The following NBEA variants were observed in gnomAD, a reference collection of about 807,000 sequenced individuals.
NBEA encodes the protein lysosomal-trafficking regulator 2.
A neutral mutation model predicts 343.4 loss-of-function variants in NBEA; 44 were observed. The ratio of observed to expected loss-of-function variants is 0.13; its 90% CI spans 0.10 to 0.16. The LOEUF is 0.16. Among genes scored for constraint, NBEA ranks in the 10% least tolerant of loss-of-function variants. The pLI is 1.00. For synonymous variants in NBEA, 1,175 were observed against 1,238.7 expected (o/e 0.95, Z 1.08); for missense variants, 2,555 against 3,631.3 (o/e 0.70, Z 7.62).
intron 10 of NBEA, among the ~76,000 whole-genome samples, chr13:35,090,272 C>T (rs1025789859): frequency 9.2e-5 from 14 of 151,566 alleles, no homozygotes; most frequent in African/African-American, 3.2e-4. Flanking sequence ...TTGTAGGAGG[C>T]GGGGAGAGGG....
At chr13:35,572,139 C>A (rs7140051) in intron 45 of NBEA, among the ~76,000 whole-genome samples, 143,272 of 151,978 alleles carry the variant, frequency 0.94, 68,137 homozygotes, top group East Asian at 1. Context: ...TTAGAGATTT[C>A]CTCCCCACCC....
At chr13:35,422,275 C>T (rs1459169897) in intron 38 of NBEA, among the ~76,000 whole-genome samples, 2 of 150,814 alleles carry the variant, frequency 1.3e-5, no homozygotes, top group Non-Finnish European at 3.0e-5. Context: ...ATCAGGTATA[C>T]CTCCTAATGC....
chr13:35,039,614 T>C (rs995852265), intron 1 of NBEA, among the ~76,000 whole-genome samples: 1 of 152,210 alleles, frequency 6.6e-6, no homozygotes, highest in Non-Finnish European at 1.5e-5. Context: ...AAAATGAAGA[T>C]AATAATAGTG....
intron 1 of NBEA, among the ~76,000 whole-genome samples, chr13:34,946,793 T>A (rs1008711212): frequency 1.3e-5 from 2 of 151,470 alleles, no homozygotes; most frequent in African/African-American, 4.8e-5. Context: ...TTACCAAATT[T>A]CTCTCATCTT....
chr13:35,089,284 A>G (rs1204580086), intron 10 of NBEA, among the ~76,000 whole-genome samples: 1 of 146,890 alleles, frequency 6.8e-6, no homozygotes, highest in Non-Finnish European at 1.5e-5. Flanking sequence ...GAAGACATTT[A>G]TGCAGCCAAA....
chr13:35,357,291 CT>C (rs1046855555), intron 38 of NBEA, among the ~76,000 whole-genome samples: 3 of 150,862 alleles, frequency 2.0e-5, no homozygotes, highest in Non-Finnish European at 4.4e-5. Context: ...TTTTGTTTTT[CT>C]TTTTTGTTGT....
intron 35 of NBEA, among the ~76,000 whole-genome samples, chr13:35,302,549 A>T (rs546515422): frequency 6.6e-6 from 1 of 152,310 alleles, no homozygotes; most frequent in African/African-American, 2.4e-5. Flanking sequence ...GGCCTGCATA[A>T]ACTGTTCTTG....
At chr13:35,279,188 C>T (rs2034870727) in intron 34 of NBEA, among the ~76,000 whole-genome samples, 1 of 152,094 alleles carries the variant, frequency 6.6e-6, no homozygotes, top group South Asian at 2.1e-4. Context: ...GAGAATATCA[C>T]AGTTAAAGGA....
chr13:35,159,693 A>G lies in NBEA; in HGVS notation c.3522A>G (p.Thr1174=), dbSNP rs2069421012. ...ACATTATTCCAAATATTCAGGACACACAAGTACATCTTGGTGTTAGTGATG... is the reference window on the plus strand; with the variant it reads ...ACATTATTCCAAATATTCAGGACACGCAAGTACATCTTGGTGTTAGTGATG... ...SNHIIPNIQD[T]QVHLGVSDDL... Residue 1174 remains threonine, a synonymous_variant, in exon 22 of 59, where the codon ACA becomes ACG. Transcript: ENST00000379939. 1.9e-6 allele frequency: 3 copies of G among 1,612,774 alleles called. No individual in the cohort carries two copies. Among genetic ancestry groups the G allele is most frequent in the East Asian group, 2.2e-5 (1 of 44,768 alleles).
chr13:35,042,763 G>C lies in NBEA; in HGVS notation c.526+1599G>C, dbSNP rs150436328. ...TTGATGATGGAAGGATATGAGAAAA[G>C]AGAATAAATGTCAGAAAAATACCTC... On this transcript the variant is annotated intron_variant, in intron 2 of 58. Transcript: ENST00000379939. Among the ~76,000 whole-genome samples, 420 of 151,806 alleles carry C rather than the reference G, an allele frequency of 2.8e-3. 2 individuals are homozygous for C. The highest frequency in any genetic ancestry group is 8.6e-3 in the African/African-American group (358 of 41,490).
At chr13:35,548,556 A>G (rs1300161438) in intron 41 of NBEA, among the ~76,000 whole-genome samples, 1 of 152,034 alleles carries the variant, frequency 6.6e-6, no homozygotes, top group Non-Finnish European at 1.5e-5. Context: ...AAGATCTATC[A>G]TTTTTTCTGA....
At chr13:34,984,865 T>C (rs574081732) in intron 1 of NBEA, among the ~76,000 whole-genome samples, 2 of 151,150 alleles carry the variant, frequency 1.3e-5, no homozygotes, top group East Asian at 3.9e-4. Context: ...ATAGGAATGC[T>C]TGTGATTTTT....
At chr13:35,641,806 G>A (rs1361671169) in intron 49 of NBEA, among the ~76,000 whole-genome samples, 1 of 151,582 alleles carries the variant, frequency 6.6e-6, no homozygotes, top group Non-Finnish European at 1.5e-5. Flanking sequence ...TAATGTAGAT[G>A]GTGGTTAGAA....
chr13:35,234,610 T>A (rs1434814962), intron 34 of NBEA, among the ~76,000 whole-genome samples: 1 of 152,166 alleles, frequency 6.6e-6, no homozygotes, highest in African/African-American at 2.4e-5. Context: ...AGGGCACATA[T>A]TCTTCTAACT....
intron 38 of NBEA, among the ~76,000 whole-genome samples, chr13:35,392,533 C>A (rs9600691): frequency 0.025 from 3,653 of 144,994 alleles, 160 homozygotes; most frequent in African/African-American, 0.085. Flanking sequence ...TCATACATTT[C>A]TTTGCAGAAA....
chr13:35,251,540 T>C (rs1455722410), intron 34 of NBEA: 2 of 1,156,200 alleles, frequency 1.7e-6, no homozygotes, highest in South Asian at 1.9e-5. Context: ...CTGGACGTCA[T>C]GTCCTTGATG....
chr13:35,642,844 C>G (rs1436358964), intron 49 of NBEA, among the ~76,000 whole-genome samples: 3 of 151,590 alleles, frequency 2.0e-5, no homozygotes, highest in Non-Finnish European at 4.4e-5. Flanking sequence ...TGACTTTGGG[C>G]TGAATGTAAG....
intron 38 of NBEA, among the ~76,000 whole-genome samples, chr13:35,431,161 A>G (rs968405830): frequency 2.6e-4 from 40 of 152,258 alleles, no homozygotes; most frequent in African/African-American, 9.4e-4. Flanking sequence ...TAGTAAAAAC[A>G]TACTGTGGGC....
Position 35,158,938 on chromosome 13 carries a change from CAATTT to C in NBEA, c.2845-72_2845-68del, listed in dbSNP as rs2069369919. ...TCTGGCATTATTTTTTCTATTTCCA[CAATTT>C]AATTTGTATTATTTAGTTTTTTCTT... On this transcript the variant is annotated intron_variant, in intron 21 of 58. Coordinates refer to ENST00000379939, the MANE Select transcript of NBEA (RefSeq NM_001385012.1). The C allele has an allele frequency of 4.1e-5, 52 of 1,255,030 alleles. 1 individual carries two copies. In the South Asian group the frequency reaches 8.8e-4, roughly 21 times the overall value. The allele number at this position is 1,255,030 out of a possible 1,614,324, so 77.7% of individuals were successfully genotyped here. A position where few individuals can be genotyped will look rare whatever the true frequency, so the allele number is the denominator to read the frequency against.
Sources: gnomAD v4.1 joint callset for allele counts (sites outside exome capture counted in the v4.1 genomes callset) on GRCh38, gnomAD v4.1.1 for gene constraint, MANE v1.5 for transcripts, NCBI Gene and HGNC (gene_info 2026-07-23, HGNC 2026-07-21) for gene names.